DDX27: variants seen among roughly 807,000 people sequenced by gnomAD.
DDX27 encodes DEAD-box helicase 27, also known as probable ATP-dependent RNA helicase DDX27.
A neutral mutation model predicts 99.3 loss-of-function variants in DDX27; 42 were observed. The observed-to-expected ratio is 0.42, with a 90% CI of 0.33 to 0.55. The LOEUF (loss-of-function observed/expected upper bound fraction) is 0.55, where lower values mean the gene tolerates loss of function less well. Ranked by LOEUF, DDX27 falls within the 20% of genes least tolerant of loss-of-function variation. The pLI is 0.07. For missense variants in DDX27, 798 were observed against 976.8 expected (o/e 0.82, Z 2.44); for synonymous variants, 329 against 353.8 (o/e 0.93, Z 0.79).
At chr20:49,229,802 T>G (rs1253972761) in intron 8 of DDX27, among the ~76,000 whole-genome samples, 1 of 152,136 alleles carries the variant, frequency 6.6e-6, no homozygotes. Context: ...TGCACCACCA[T>G]GCACAGCTAA....
rs910874482 is a variant in DDX27 at position 49,239,054 on chromosome 20, A to G, written c.1793A>G (p.Gln598Arg). 6.2e-7 allele frequency: 1 copy of G among 1,612,668 alleles called. No homozygotes were observed. The highest frequency in any genetic ancestry group is 8.5e-7 in the Non-Finnish European group (1 of 1,178,648). Residue 598 changes from glutamine (Q) to arginine (R), a missense_variant and splice_region_variant, in exon 15 of 21, where the codon CAG (glutamine) becomes CGG (arginine). Physicochemically the swap from Gln to Arg is conservative, Grantham distance 43. This residue lies in a region of DDX27 where 553 missense variants were observed against 727.9 expected (regional missense o/e 0.76). Coordinates refer to ENST00000618172, the MANE Select transcript of DDX27 (RefSeq NM_017895.8). ...EEKEMQQSEA[Q>R]INTAKRLLEK... is the part of the protein sequence containing the mutation. ...AAAGAGATGCAGCAGTCAGAAGCCC[A>G]GGTGAGGCTGCGAGGCGGGATCTTG...
chr20:49,235,055 A>T lies in DDX27; in HGVS notation c.1394A>T (p.Asn465Ile). 1 of 1,612,474 alleles carries T rather than the reference A, an allele frequency of 6.2e-7. No individual in the cohort carries two copies. Among genetic ancestry groups the T allele is most frequent in the South Asian group, 1.1e-5 (1 of 90,884 alleles). Residue 465 changes from asparagine to isoleucine, a missense_variant, in exon 12 of 21, where the codon AAC becomes ATC. By Grantham distance (149) the Asn-to-Ile change is moderately radical. Around this residue, in one of 2 missense-constraint regions of DDX27, gnomAD observed 553 missense variants for 727.9 expected, o/e 0.76. Coordinates refer to ENST00000618172, the MANE Select transcript of DDX27 (RefSeq NM_017895.8). ...CTGCAGGTGGGTGAGCTCCATGGCA[A>T]CTTGTCACAGACGCAGCGGCTGGAG... Reference protein sequence around the residue: ...MGLQVGELHGNLSQTQRLEAL... With the variant: ...MGLQVGELHGILSQTQRLEAL...
chr20:49,233,853 C>A (rs1457313446), intron 11 of DDX27, 144 bp downstream of exon 11: 6 of 854,524 alleles, frequency 7.0e-6, no homozygotes, highest in Non-Finnish European at 8.9e-6. Flanking sequence ...TAATGATGAT[C>A]CGCTGCCTCT....
chr20:49,223,001 G>A lies in DDX27; in HGVS notation c.285G>A (p.Lys95=). The A allele has an allele frequency of 6.2e-7, 1 of 1,613,338 alleles. No homozygotes were observed. The highest frequency in any genetic ancestry group is 8.5e-7 in the Non-Finnish European group (1 of 1,179,642). The change falls in exon 3 of 21, where the codon AAG becomes AAA. Residue 95 remains lysine (K), a synonymous_variant. Transcript: ENST00000618172. The part of the protein sequence containing the change: ...TLDEKIEKVR[K]KRKTEDKEAK... ...ATGAGAAGATTGAGAAAGTTCGAAA[G>A]AAAAGGAAAACAGAGGTGAGAAGAA... is the stretch of plus-strand genomic sequence containing the variant.
chr20:49,224,582 C>T (rs1319303900), intron 4 of DDX27, among the ~76,000 whole-genome samples: 2 of 152,062 alleles, frequency 1.3e-5, no homozygotes, highest in Admixed American at 6.6e-5. Flanking sequence ...AGGCTGGTCC[C>T]GAACTCCTGA....
rs186615533 is a variant in DDX27 at position 49,243,927 on chromosome 20, T to A, written c.*93T>A. On this transcript the variant is annotated 3_prime_UTR_variant, in exon 21 of 21. Transcript: ENST00000618172. ...CTGGTCTGTCTTTTCTCCATTTGTT[T>A]AAAAAAAAAACAAAAACAAAAAACA... 24 of 1,328,884 alleles carry A rather than the reference T, an allele frequency of 1.8e-5. No individual in the cohort carries two copies. The highest frequency in any genetic ancestry group is 4.6e-5 in the African/African-American group (3 of 65,922). 82.3% of individuals were successfully genotyped at this position (1,328,884 alleles called of 1,614,324 possible).
At chr20:49,235,122 ATCCT>A (rs749239750) in intron 12 of DDX27, 34 bp downstream of exon 12, 2 of 1,559,412 alleles carry the variant, frequency 1.3e-6, no homozygotes, top group Non-Finnish European at 1.7e-6. Flanking sequence ...GGCTCCCACC[ATCCT>A]TCTGGGGCAG....
In DDX27 at chr20:49,233,657, G is replaced by C. The variant is rs778460002; in HGVS notation, c.1221G>C (p.Glu407Asp). The C allele has an allele frequency of 2.8e-5, 45 of 1,613,916 alleles. No individual in the cohort carries two copies. The highest frequency in any genetic ancestry group is 3.5e-5 in the Non-Finnish European group (41 of 1,180,006). The change falls in exon 11 of 21, where the codon GAG (glutamate) becomes GAC (aspartate). Residue 407 changes from glutamate to aspartate, a missense_variant. By Grantham distance (45) the Glu-to-Asp change is conservative. Transcript: ENST00000618172. ...NTDVAPFLRQEFIRIRPNREG... is the reference protein window; with the variant it reads ...NTDVAPFLRQDFIRIRPNREG... ...ATGTGGCTCCCTTCCTGCGGCAGGA[G>C]TTCATCCGGATCCGGCCTAATCGTG... is the stretch of plus-strand genomic sequence containing the variant.
At position 49,222,975 on chromosome 20, in the gene DDX27, G is replaced by A. The variant is rs375335189; in HGVS notation, c.259G>A (p.Asp87Asn). The change falls in exon 3 of 21, where the codon GAT becomes AAT. Residue 87 changes from aspartate (D) to asparagine (N), a missense_variant. By Grantham distance (23) the Asp-to-Asn change is conservative (BLOSUM62 1). Transcript: ENST00000618172. ...TCTGCAGAGGGCAGCCACTACATTAGATGAGAAGATTGAGAAAGTTCGAAA... is the reference window on the plus strand; with the variant it reads ...TCTGCAGAGGGCAGCCACTACATTAAATGAGAAGATTGAGAAAGTTCGAAA... ...LKKKRAATTL[D>N]EKIEKVRKKR... 3.7e-6 allele frequency: 6 copies of A among 1,613,014 alleles called. No individual in the cohort carries two copies. In the African/African-American group the frequency reaches 6.7e-5, roughly 18 times the overall value.
intron 12 of DDX27, 28 bp downstream of exon 12, chr20:49,235,116 C>T: frequency 1.3e-6 from 2 of 1,563,102 alleles, no homozygotes; most frequent in Middle Eastern, 1.8e-4. Context: ...GACTGAGGCT[C>T]CCACCATCCT....
intron 14 of DDX27, chr20:49,238,632 T>A: frequency 3.3e-6 from 1 of 303,876 alleles, no homozygotes; most frequent in Non-Finnish European, 6.2e-6. Flanking sequence ...CACACCCAGC[T>A]GATTTTTGTA....
chr20:49,227,838 ATTTTT>A (rs35354294), intron 7 of DDX27, among the ~76,000 whole-genome samples: 1 of 125,814 alleles, frequency 7.9e-6, no homozygotes. Context: ...AGAGGAGGAA[ATTTTT>A]TTTTTTTTTT....
At chr20:49,238,738 A>C in intron 14 of DDX27, 1 of 527,076 alleles carries the variant, frequency 1.9e-6, no homozygotes, top group Non-Finnish European at 3.3e-6. Flanking sequence ...AAAGCGTGGG[A>C]TTACAGGCAT....
intron 14 of DDX27, chr20:49,238,637 T>G: frequency 6.5e-6 from 2 of 309,444 alleles, no homozygotes; most frequent in East Asian, 7.7e-5. Flanking sequence ...CCAGCTGATT[T>G]TTGTATTTTT....
chr20:49,229,265 C>T (rs1453472767), intron 8 of DDX27, among the ~76,000 whole-genome samples: 4 of 151,866 alleles, frequency 2.6e-5, no homozygotes, highest in South Asian at 2.1e-4. Flanking sequence ...CTCCTGACCT[C>T]GTGATCCGCC....
chr20:49,233,680 G>A lies in DDX27; in HGVS notation c.1244G>A (p.Arg415His), dbSNP rs774484685. The change falls in exon 11 of 21, where the codon CGT becomes CAT. Residue 415 changes from arginine (R) to histidine (H), a missense_variant. Physicochemically the swap from Arg to His is conservative, Grantham distance 29 (BLOSUM62 0). Transcript: ENST00000618172. Reference protein sequence around the residue: ...RQEFIRIRPNREGDREAIVAA... With the variant: ...RQEFIRIRPNHEGDREAIVAA... ...GAGTTCATCCGGATCCGGCCTAATC[G>A]TGAAGGAGACCGGGAAGCCATCGTG... 7.4e-6 allele frequency: 12 copies of A among 1,613,730 alleles called. No homozygotes were observed. The African/African-American group carries it at 8.0e-5, about 11-fold the overall frequency.
chr20:49,226,461 C>A lies in DDX27; in HGVS notation c.632C>A (p.Thr211Asn). The A allele has an allele frequency of 6.2e-7, 1 of 1,614,014 alleles. No individual in the cohort carries two copies. The change falls in exon 7 of 21, where the codon ACC becomes AAC. Residue 211 changes from threonine (T) to asparagine (N), a missense_variant. This residue lies in a region of DDX27 where 553 missense variants were observed against 727.9 expected (regional missense o/e 0.76). Transcript: ENST00000618172. ...AITAMGFKQP[T>N]PIQKACIPVG... is the part of the protein sequence containing the mutation. ...ACAGCCATGGGCTTCAAGCAGCCCA[C>A]CCCGATCCAGAAGGCGTGCATACCT...
Position 49,233,728 on chromosome 20 carries a change from C to T in DDX27, c.1273+19C>T. On this transcript the variant is annotated intron_variant, in intron 11 of 20. Coordinates refer to ENST00000618172, the MANE Select transcript of DDX27 (RefSeq NM_017895.8). Reference sequence around the variant, plus strand: ...GTGGCAGGTGGCAGCACAGGGCAAGCCTGGGCAGGGTGGGCTGGTCAGCTT... The same window carrying T: ...GTGGCAGGTGGCAGCACAGGGCAAGTCTGGGCAGGGTGGGCTGGTCAGCTT... The T allele has an allele frequency of 3.7e-6, 6 of 1,607,412 alleles. No homozygotes were observed. The highest frequency in any genetic ancestry group is 5.1e-6 in the Non-Finnish European group (6 of 1,175,372).
At chr20:49,242,255 A>G (rs758441651) in intron 18 of DDX27, 49 bp downstream of exon 18, 4 of 1,603,280 alleles carry the variant, frequency 2.5e-6, no homozygotes, top group African/African-American at 1.3e-5. Flanking sequence ...TTTCCCTGAA[A>G]CCTGTGCTTT....
Sources: allele counts gnomAD v4.1 joint callset (sites outside exome capture counted in the v4.1 genomes callset), GRCh38; gene constraint gnomAD v4.1.1; regional missense constraint gnomAD v4.1.1; transcripts MANE v1.5; gene names NCBI Gene and HGNC (gene_info 2026-07-23, HGNC 2026-07-21).